Variants in BCKDHB observed in about 807,000 individuals in gnomAD.
BCKDHB encodes the protein branched chain keto acid dehydrogenase E1 subunit beta, also known as 2-oxoisovalerate dehydrogenase subunit beta, mitochondrial.
Under a neutral mutation model 48.5 loss-of-function variants are expected in BCKDHB, and 41 were observed. The observed-to-expected ratio is 0.85, with a 90% CI of 0.66 to 1.10. The LOEUF is 1.10. BCKDHB is among the 50% of genes least tolerant of loss of function. The pLI is 0.00. For synonymous variants in BCKDHB, 201 were observed against 174.8 expected (o/e 1.15, Z -1.18); for missense variants, 496 against 494.2 (o/e 1.00, Z -0.03).
chr6:80,211,295 C>A (rs368785295), intron 8 of BCKDHB, among the ~76,000 whole-genome samples: 1 of 152,044 alleles, frequency 6.6e-6, no homozygotes, highest in African/African-American at 2.4e-5. Context: ...GCCTTTATAC[C>A]GTACAGTCTT....
intron 9 of BCKDHB, among the ~76,000 whole-genome samples, chr6:80,273,643 G>T (rs191866509): frequency 3.0e-4 from 46 of 151,928 alleles, no homozygotes; most frequent in African/African-American, 1.0e-3. Flanking sequence ...CAGCATTCAC[G>T]TTCTAAAAAT....
the BCKDHB span, among the ~76,000 whole-genome samples, chr6:80,370,507 AC>A: frequency 6.6e-6 from 1 of 152,110 alleles, no homozygotes; most frequent in Non-Finnish European, 1.5e-5. Context: ...TCACCAGAGC[AC>A]CATACACTGT....
downstream of BCKDHB, among the ~76,000 whole-genome samples, chr6:80,349,934 G>C (rs554932502): frequency 6.6e-6 from 1 of 152,146 alleles, no homozygotes; most frequent in East Asian, 1.9e-4. Flanking sequence ...ATAGAAATAT[G>C]TTTTAAACTT....
the BCKDHB span, among the ~76,000 whole-genome samples, chr6:80,417,154 G>A: frequency 1.3e-5 from 2 of 152,114 alleles, no homozygotes; most frequent in Non-Finnish European, 2.9e-5. Flanking sequence ...TGTTTTGTCT[G>A]AAATTAGGAT....
At chr6:80,228,556 G>C (rs1411259326) in intron 8 of BCKDHB, among the ~76,000 whole-genome samples, 1 of 152,196 alleles carries the variant, frequency 6.6e-6, no homozygotes, top group Non-Finnish European at 1.5e-5. Context: ...AGCAGCTTCA[G>C]AATTTCTGTG....
the BCKDHB span, among the ~76,000 whole-genome samples, chr6:80,459,943 A>G: frequency 6.6e-6 from 1 of 152,120 alleles, no homozygotes; most frequent in Non-Finnish European, 1.5e-5. Flanking sequence ...AAGATCATCT[A>G]CTGTCAATAG....
Position 80,274,915 on chromosome 6 carries a change from A to G in BCKDHB, c.1038+1694A>G, listed in dbSNP as rs567062409. ...CCCCAAGAATACATTAGTGAATCCT[A>G]GTTTGAGAAGTAGTATATTAAGAAT... On this transcript the variant is annotated intron_variant, in intron 9 of 9. Transcript: ENST00000320393. Among the ~76,000 whole-genome samples, 279 of 152,128 alleles carry G rather than the reference A, an allele frequency of 1.8e-3. 3 individuals are homozygous for G. The highest frequency in any genetic ancestry group is 6.4e-3 in the African/African-American group (265 of 41,576).
Position 80,205,837 on chromosome 6 carries a change from G to GTGTGTGTGT in BCKDHB, c.951+2625_951+2626insTGTGTGTGT, listed in dbSNP as rs1368120428. On this transcript the variant is annotated intron_variant, in intron 8 of 9. Coordinates refer to ENST00000320393, the MANE Select transcript of BCKDHB (RefSeq NM_183050.4). ...GTGTGTGTGTGTGTGTGTGTGTGTA[G>GTGTGTGTGT]GTGGATTGGCTTAAGAGAATCAGCT... 1.4e-4 allele frequency among the ~76,000 whole-genome samples: 13 copies of GTGTGTGTGT among 91,918 alleles called. 1 individual carries two copies. The highest frequency in any genetic ancestry group is 5.2e-4 in the African/African-American group (12 of 23,280). The allele number at this position is 91,918 out of a possible 152,430, so 60.3% of individuals were successfully genotyped here.
At chr6:80,465,448 T>C in the BCKDHB span, among the ~76,000 whole-genome samples, 15 of 152,354 alleles carry the variant, frequency 9.8e-5, no homozygotes, top group South Asian at 1.2e-3. Context: ...GAAAATATGC[T>C]GGCAACTCAA....
the BCKDHB span, among the ~76,000 whole-genome samples, chr6:80,387,131 G>A: frequency 1.3e-5 from 2 of 152,188 alleles, no homozygotes; most frequent in South Asian, 2.1e-4. Context: ...TCCAGTTAAA[G>A]TAGAGGCTTA....
At chr6:80,296,483 A>G (rs938238234) in intron 9 of BCKDHB, among the ~76,000 whole-genome samples, 9 of 152,240 alleles carry the variant, frequency 5.9e-5, no homozygotes, top group African/African-American at 2.2e-4. Flanking sequence ...TCCAAAGACA[A>G]CATCACTCCT....
chr6:80,396,675 C>CT, the BCKDHB span, among the ~76,000 whole-genome samples: 1 of 152,194 alleles, frequency 6.6e-6, no homozygotes, highest in Non-Finnish European at 1.5e-5. Context: ...TGCAGCTGTT[C>CT]TTGTGATAGT....
At chr6:80,168,829 G>T in intron 4 of BCKDHB, 46 bp from the exon 5 acceptor site, 1 of 1,609,634 alleles carries the variant, frequency 6.2e-7, no homozygotes, top group Non-Finnish European at 8.5e-7. Flanking sequence ...AGATTGGAAG[G>T]GAAGGACTCA....
intron 8 of BCKDHB, among the ~76,000 whole-genome samples, chr6:80,258,474 G>A (rs1202322547): frequency 1.3e-5 from 2 of 152,200 alleles, no homozygotes; most frequent in African/African-American, 4.8e-5. Context: ...TTTCATCACT[G>A]GCCTGTAGTT....
chr6:80,146,036 T>A (rs1396145303), intron 3 of BCKDHB, among the ~76,000 whole-genome samples: 1 of 152,164 alleles, frequency 6.6e-6, no homozygotes, highest in African/African-American at 2.4e-5. Flanking sequence ...CAACACTGTT[T>A]GCTTCACAGC....
the BCKDHB span, among the ~76,000 whole-genome samples, chr6:80,395,597 A>G: frequency 2.6e-5 from 4 of 152,264 alleles, no homozygotes; most frequent in Non-Finnish European, 2.9e-5. Context: ...GAAAATTTGT[A>G]GCCTGAAGAT....
intron 8 of BCKDHB, among the ~76,000 whole-genome samples, chr6:80,270,461 T>C (rs1263825244): frequency 2.0e-5 from 3 of 152,170 alleles, no homozygotes; most frequent in African/African-American, 7.2e-5. Flanking sequence ...CTCTTCTTGC[T>C]GCACTATTTT....
In BCKDHB at chr6:80,311,328, G is replaced by A. The variant is rs1427643509; in HGVS notation, c.1039-32336G>A. Reference sequence around the variant, plus strand: ...CCCAGTCTCGGGTATGCCTTTATGAGCAATGGGAAAACGGACTAATACAGA... The same window carrying A: ...CCCAGTCTCGGGTATGCCTTTATGAACAATGGGAAAACGGACTAATACAGA... On this transcript the variant is annotated intron_variant, in intron 9 of 9. Transcript: ENST00000320393. Among the ~76,000 whole-genome samples the A allele has an allele frequency of 2.0e-5, 3 of 152,096 alleles. No individual in the cohort carries two copies. The South Asian group carries it at 6.2e-4, about 32-fold the overall frequency.
At chr6:80,459,032 G>C in the BCKDHB span, among the ~76,000 whole-genome samples, 1 of 152,168 alleles carries the variant, frequency 6.6e-6, no homozygotes, top group Non-Finnish European at 1.5e-5. Context: ...ATGTTGATGG[G>C]AATGCAAAGT....
Sources: gnomAD v4.1 joint callset for allele counts (sites outside exome capture counted in the v4.1 genomes callset) on GRCh38, gnomAD v4.1.1 for gene constraint, MANE v1.5 for transcripts, NCBI Gene and HGNC (gene_info 2026-07-23, HGNC 2026-07-21) for gene names.